RGSL1: variants seen among roughly 807,000 people sequenced by gnomAD.
RGSL1 encodes regulator of G protein signaling protein-like.
RGSL1 carries 97 observed loss-of-function variants against 124.7 expected under a neutral mutation model. That is an observed-to-expected ratio of 0.78 (90% CI 0.66 to 0.92). The LOEUF is 0.92. Ranked by LOEUF, RGSL1 falls within the 40% of genes least tolerant of loss-of-function variation. The pLI, the probability that RGSL1 is intolerant of heterozygous loss-of-function variation, is 0.00. For missense variants in RGSL1, 1,233 were observed against 1,288.4 expected (o/e 0.96, Z 0.66); for synonymous variants, 424 against 438.1 (o/e 0.97, Z 0.40).
At chr1:182,559,767 G>C (rs1661068379) in intron 21 of RGSL1, among the ~76,000 whole-genome samples, 3 of 151,942 alleles carry the variant, frequency 2.0e-5, no homozygotes, top group Admixed American at 2.0e-4. Flanking sequence ...TTGCCTAAAG[G>C]GCCCTTCCCT....
chr1:182,530,474 C>T (rs570644287), intron 12 of RGSL1, 113 bp downstream of exon 12: 1 of 844,756 alleles, frequency 1.2e-6, no homozygotes, highest in African/African-American at 1.7e-5. Context: ...GCCAGAGCCT[C>T]TCTACAAAAT....
Position 182,472,491 on chromosome 1 carries a change from C to T in RGSL1, c.397C>T (p.Leu133Phe), listed in dbSNP as rs962830762. Residue 133 changes from leucine (L) to phenylalanine (F), a missense_variant, in exon 5 of 22, where the codon CTC becomes TTC. Coordinates refer to ENST00000294854, the MANE Select transcript of RGSL1 (RefSeq NM_001137669.2). The part of the protein sequence containing the change: ...EVRDYYLSLL[L>F]MLRATHLQEG... ...GAGAGACTACTACCTGTCCCTCCTC[C>T]TCATGCTGAGGGCCACTCATCTGCA... is the stretch of plus-strand genomic sequence containing the variant. The T allele has an allele frequency of 1.0e-5, 16 of 1,551,032 alleles. No individual in the cohort carries two copies. Among genetic ancestry groups the T allele is most frequent in the Non-Finnish European group, 1.4e-5 (16 of 1,146,498 alleles).
chr1:182,548,845 A>G (rs1288118620), intron 17 of RGSL1, 21 bp downstream of exon 17: 4 of 1,550,922 alleles, frequency 2.6e-6, no homozygotes. Flanking sequence ...CTCCTTATTC[A>G]GTGACTGTTA....
chr1:182,458,251 G>A, intron 2 of RGSL1, 68 bp from the exon 3 acceptor site: 2 of 1,154,000 alleles, frequency 1.7e-6, no homozygotes, highest in Non-Finnish European at 2.5e-6. Flanking sequence ...TGTGGCTGTA[G>A]AGGGACTGTG....
chr1:182,455,539 A>C (rs1294199565), intron 2 of RGSL1, among the ~76,000 whole-genome samples: 1 of 151,926 alleles, frequency 6.6e-6, no homozygotes, highest in Non-Finnish European at 1.5e-5. Context: ...CCGAGATTGC[A>C]CCACTGCACT....
intron 14 of RGSL1, among the ~76,000 whole-genome samples, chr1:182,535,150 C>A (rs183987507): frequency 4.5e-4 from 68 of 152,276 alleles, no homozygotes; most frequent in African/African-American, 1.6e-3. Flanking sequence ...TAGAAAATGG[C>A]ATAACTCAGA....
At chr1:182,515,389 CA>C (rs1028702496) in intron 9 of RGSL1, among the ~76,000 whole-genome samples, 2 of 151,432 alleles carry the variant, frequency 1.3e-5, no homozygotes, top group African/African-American at 2.4e-5. Context: ...GAGTTTGGGA[CA>C]AAAAAAGTAT....
chr1:182,460,772 C>T (rs1652761038), intron 4 of RGSL1: 1 of 452,878 alleles, frequency 2.2e-6, no homozygotes, highest in Non-Finnish European at 4.4e-6. Context: ...TATTTTGAAA[C>T]TCTAGAGTCT....
chr1:182,508,386 G>A (rs993154512), intron 9 of RGSL1, among the ~76,000 whole-genome samples: 4 of 126,058 alleles, frequency 3.2e-5, no homozygotes, highest in Non-Finnish European at 4.7e-5. Flanking sequence ...TGCAACCTCC[G>A]CCTCCCGGGT....
At chr1:182,469,240 G>T (rs908050496) in intron 4 of RGSL1, among the ~76,000 whole-genome samples, 1 of 151,792 alleles carries the variant, frequency 6.6e-6, no homozygotes, top group Non-Finnish European at 1.5e-5. Flanking sequence ...AAGAATGGAA[G>T]AAAATACTTC....
chr1:182,478,039 A>T (rs267903), intron 6 of RGSL1, among the ~76,000 whole-genome samples: 11,958 of 152,210 alleles, frequency 0.079, 645 homozygotes, highest in East Asian at 0.25. Flanking sequence ...CTGAAAAAAA[A>T]TTTTTCTTGT....
chr1:182,525,133 C>A (rs1195295825), intron 10 of RGSL1, among the ~76,000 whole-genome samples: 9 of 152,188 alleles, frequency 5.9e-5, no homozygotes, highest in Admixed American at 5.2e-4. Flanking sequence ...AAACCATCAA[C>A]AGCAGCAACC....
intron 3 of RGSL1, among the ~76,000 whole-genome samples, chr1:182,459,672 C>A (rs1461733773): frequency 6.6e-6 from 1 of 152,186 alleles, no homozygotes; most frequent in Admixed American, 6.5e-5. Flanking sequence ...ACACCACAGA[C>A]CCAAATCTTT....
intron 4 of RGSL1, among the ~76,000 whole-genome samples, chr1:182,470,060 T>C (rs888386061): frequency 4.6e-5 from 7 of 152,076 alleles, no homozygotes; most frequent in African/African-American, 1.7e-4. Context: ...TTTTGCAAGA[T>C]GAAAAGAATT....
intron 4 of RGSL1, among the ~76,000 whole-genome samples, chr1:182,471,635 CTGGCCTG>C (rs1338866100): frequency 6.6e-6 from 1 of 152,176 alleles, no homozygotes; most frequent in Non-Finnish European, 1.5e-5. Flanking sequence ...GTGGCAGCCA[CTGGCCTG>C]GTAGGTTGGG....
At chr1:182,505,752 T>C (rs1234095217) in intron 9 of RGSL1, among the ~76,000 whole-genome samples, 3 of 152,222 alleles carry the variant, frequency 2.0e-5, no homozygotes, top group Admixed American at 6.5e-5. Flanking sequence ...TGATGTTTTC[T>C]GATGCACTTA....
intron 9 of RGSL1, among the ~76,000 whole-genome samples, chr1:182,517,114 T>C (rs1408907438): frequency 6.6e-6 from 1 of 152,186 alleles, no homozygotes; most frequent in East Asian, 1.9e-4. Flanking sequence ...TCCTTTATAT[T>C]TGAAAGATAA....
intron 10 of RGSL1, among the ~76,000 whole-genome samples, chr1:182,523,818 C>T (rs959176411): frequency 1.3e-5 from 2 of 152,072 alleles, no homozygotes; most frequent in Non-Finnish European, 2.9e-5. Flanking sequence ...TAACTAAAGA[C>T]AATGCAAGGC....
rs370734373 is a variant in RGSL1, at chr1:182,474,483, C to T, written c.1372C>T (p.Leu458=). 11 of 1,551,442 alleles carry T rather than the reference C, an allele frequency of 7.1e-6. No homozygotes were observed. In the African/African-American group the frequency reaches 1.2e-4, roughly 17 times the overall value. ...KSQTIQGLKE[L]LPSGDVIPWI... is the part of the protein sequence containing the mutation. ...CCAAACCATTCAGGGCCTGAAGGAA[C>T]TATTGCCCTCTGGGGATGTGATCCC... Residue 458 remains leucine, a synonymous_variant, in exon 6 of 22, where the codon CTA becomes TTA. Transcript: ENST00000294854.
Sources: allele counts gnomAD v4.1 joint callset (sites outside exome capture counted in the v4.1 genomes callset), GRCh38; gene constraint gnomAD v4.1.1; transcripts MANE v1.5; gene names NCBI Gene and HGNC (gene_info 2026-07-23, HGNC 2026-07-21).